Variants in ST8SIA5 observed in about 807,000 individuals in gnomAD.
The protein encoded by ST8SIA5 is alpha-2,8-sialyltransferase 8E.
ST8SIA5 carries 24 observed loss-of-function variants against 40.2 expected under a neutral mutation model. The ratio of observed to expected loss-of-function variants is 0.60; its 90% CI spans 0.43 to 0.84. ST8SIA5 has a LOEUF of 0.84. Among genes scored for constraint, ST8SIA5 ranks in the 40% least tolerant of loss-of-function variants. ST8SIA5 has a pLI of 0.00. For synonymous variants in ST8SIA5, 198 were observed against 201.8 expected, an observed-to-expected ratio of 0.98 and a Z score of 0.16; for missense variants, 465 against 498.5, an observed-to-expected ratio of 0.93 and a Z score of 0.64.
At position 46,673,988 on chromosome 18, in the gene ST8SIA5, T is replaced by C. The variant is rs2039324830; in HGVS notation, c.*6054A>G. ...TGAGCTCAGAGAAGCAGCACCTTTT[T>C]TCCCCCAGGAAACAACCCCATGCTC... is the stretch of plus-strand genomic sequence containing the variant. On this transcript the variant is annotated 3_prime_UTR_variant, in exon 7 of 7. Coordinates refer to ENST00000315087, the MANE Select transcript of ST8SIA5 (RefSeq NM_013305.6). 2 of 152,158 alleles carry C rather than the reference T, an allele frequency of 1.3e-5. No individual in the cohort carries two copies. Among genetic ancestry groups the C allele is most frequent in the African/African-American group, 4.8e-5 (2 of 41,424 alleles). The allele number at this position is 152,158 out of a possible 1,614,324, so 9.4% of individuals were successfully genotyped here.
chr18:46,742,944 T>G (rs1451323790), intron 1 of ST8SIA5, among the ~76,000 whole-genome samples: 1 of 152,196 alleles, frequency 6.6e-6, no homozygotes, highest in Non-Finnish European at 1.5e-5. Flanking sequence ...GGAGTGGACC[T>G]CCAGGAAACT....
chr18:46,698,994 T>C (rs999174284), intron 2 of ST8SIA5, among the ~76,000 whole-genome samples: 8 of 152,310 alleles, frequency 5.3e-5, no homozygotes, highest in Admixed American at 5.2e-4. Context: ...AATATCTACA[T>C]CATCCCAATA....
intron 5 of ST8SIA5, among the ~76,000 whole-genome samples, chr18:46,684,966 A>G (rs1192303445): frequency 6.6e-6 from 1 of 152,092 alleles, no homozygotes; most frequent in Non-Finnish European, 1.5e-5. Context: ...GGGAGACAGC[A>G]TTCCAGGCAG....
At position 46,692,152 on chromosome 18, in the gene ST8SIA5, A is replaced by G; in HGVS notation, c.311+17T>C. On this transcript the variant is annotated intron_variant, in intron 3 of 6. Coordinates refer to ENST00000315087, the MANE Select transcript of ST8SIA5 (RefSeq NM_013305.6). ...GAATCATACAAGGAGAAGGGAGGAC[A>G]GACGAATCATAGATACTTGAACTGG... The G allele has an allele frequency of 6.2e-7, 1 of 1,613,670 alleles. No individual in the cohort carries two copies. Among genetic ancestry groups the G allele is most frequent in the East Asian group, 2.2e-5 (1 of 44,858 alleles).
At chr18:46,736,114 A>G (rs1266027799) in intron 1 of ST8SIA5, among the ~76,000 whole-genome samples, 1 of 152,200 alleles carries the variant, frequency 6.6e-6, no homozygotes, top group African/African-American at 2.4e-5. Context: ...TTATCATTTC[A>G]ACACACAAAC....
Position 46,680,086 on chromosome 18 carries a change from G to A in ST8SIA5, c.1087C>T (p.Arg363Ter), listed in dbSNP as rs1485927141. The A allele has an allele frequency of 6.2e-7, 1 of 1,613,970 alleles. No individual in the cohort carries two copies. The highest frequency in any genetic ancestry group is 8.5e-7 in the Non-Finnish European group (1 of 1,179,966). The change falls in exon 7 of 7, where the codon CGA becomes TGA. Residue 363 changes from arginine (R) to a stop codon, truncating the protein, a stop_gained. Transcript: ENST00000315087. LOFTEE classifies it high-confidence loss of function. ...CCCGTGTGCACGCGGAGGATGCCTCGGCTGTGCAAGTGCAGGAAGTTGAAG... is the reference window on the plus strand; with the variant it reads ...CCCGTGTGCACGCGGAGGATGCCTCAGCTGTGCAAGTGCAGGAAGTTGAAG... ...EIFNFLHLHS[R>*]GILRVHTGTC...
intron 1 of ST8SIA5, among the ~76,000 whole-genome samples, chr18:46,709,314 C>A (rs1246526082): frequency 6.6e-6 from 1 of 152,122 alleles, no homozygotes; most frequent in Non-Finnish European, 1.5e-5. Context: ...AAGAAGCTGC[C>A]ATCTATGAGG....
chr18:46,707,861 T>C (rs1349335517), intron 1 of ST8SIA5, among the ~76,000 whole-genome samples: 1 of 152,148 alleles, frequency 6.6e-6, no homozygotes, highest in Non-Finnish European at 1.5e-5. Flanking sequence ...AGGAAGTAGG[T>C]CCTCACCTGA....
Position 46,676,292 on chromosome 18 carries a change from G to C in ST8SIA5, c.*3750C>G, listed in dbSNP as rs546552876. 6.6e-6 allele frequency: 1 copy of C among 152,136 alleles called. No individual in the cohort carries two copies. The highest frequency in any genetic ancestry group is 1.5e-5 in the Non-Finnish European group (1 of 68,044). 9.4% of individuals were successfully genotyped at this position (152,136 alleles called of 1,614,324 possible). ...GCTCCCACGTACGTTTGTGGGATTC[G>C]TCATTTAACGTCTGTATACACACAC... is the stretch of plus-strand genomic sequence containing the variant. On this transcript the variant is annotated 3_prime_UTR_variant, in exon 7 of 7. Transcript: ENST00000315087.
intron 1 of ST8SIA5, among the ~76,000 whole-genome samples, chr18:46,749,346 T>TA (rs2040173470): frequency 6.6e-6 from 1 of 152,086 alleles, no homozygotes; most frequent in Non-Finnish European, 1.5e-5. Flanking sequence ...ACTCTACACT[T>TA]TAAGTGGGTG....
chr18:46,743,563 T>C (rs1435097103), intron 1 of ST8SIA5, among the ~76,000 whole-genome samples: 1 of 152,102 alleles, frequency 6.6e-6, no homozygotes, highest in Admixed American at 6.5e-5. Flanking sequence ...TATGGGACTA[T>C]GTGAAAAGAC....
At chr18:46,743,280 T>G (rs763585627) in intron 1 of ST8SIA5, among the ~76,000 whole-genome samples, 8 of 152,120 alleles carry the variant, frequency 5.3e-5, no homozygotes, top group Non-Finnish European at 7.3e-5. Flanking sequence ...TAAAGGAACA[T>G]GTTCTAACCC....
chr18:46,684,873 G>T (rs1019585907), intron 5 of ST8SIA5, among the ~76,000 whole-genome samples: 2 of 152,092 alleles, frequency 1.3e-5, no homozygotes, highest in Non-Finnish European at 2.9e-5. Flanking sequence ...GTGCAAGTGG[G>T]TTTAGCCAGG....
intron 3 of ST8SIA5, among the ~76,000 whole-genome samples, chr18:46,690,229 G>A (rs1391249837): frequency 6.6e-6 from 1 of 152,174 alleles, no homozygotes; most frequent in African/African-American, 2.4e-5. Context: ...AGCAGGGTGG[G>A]AGAAGGCCTG....
chr18:46,722,181 G>A (rs966980725), intron 1 of ST8SIA5, among the ~76,000 whole-genome samples: 4 of 152,132 alleles, frequency 2.6e-5, no homozygotes, highest in African/African-American at 9.7e-5. Context: ...AGCGAAGGTG[G>A]GAGTGCACAA....
intron 1 of ST8SIA5, among the ~76,000 whole-genome samples, chr18:46,713,385 T>G (rs1389842614): frequency 6.6e-6 from 1 of 152,198 alleles, no homozygotes; most frequent in Non-Finnish European, 1.5e-5. Flanking sequence ...TTGGGCCCTG[T>G]GAAGCTTCCT....
intron 6 of ST8SIA5, among the ~76,000 whole-genome samples, chr18:46,681,501 C>G (rs2039396049): frequency 6.6e-6 from 1 of 152,192 alleles, no homozygotes; most frequent in Non-Finnish European, 1.5e-5. Flanking sequence ...AGATGAACCC[C>G]AGGAGGGGAG....
At chr18:46,716,034 G>A (rs928233101) in intron 1 of ST8SIA5, among the ~76,000 whole-genome samples, 32 of 151,896 alleles carry the variant, frequency 2.1e-4, no homozygotes, top group African/African-American at 7.0e-4. Context: ...CAGCCCAGAA[G>A]GAAGAACCCC....
chr18:46,724,844 C>T (rs375261996), intron 1 of ST8SIA5, among the ~76,000 whole-genome samples: 14 of 151,850 alleles, frequency 9.2e-5, no homozygotes, highest in South Asian at 4.2e-4. Flanking sequence ...CATGGTGGTG[C>T]GTGCCTGTAA....
Sources: gnomAD v4.1 joint callset for allele counts (sites outside exome capture counted in the v4.1 genomes callset) on GRCh38, gnomAD v4.1.1 for gene constraint, MANE v1.5 for transcripts, NCBI Gene and HGNC (gene_info 2026-07-23, HGNC 2026-07-21) for gene names.